The following ZNF678 variants were observed in gnomAD, a reference collection of about 807,000 sequenced individuals.
The protein encoded by ZNF678 is zinc finger protein 678.
Under a neutral mutation model 3.0 loss-of-function variants are expected in ZNF678, and 5 were observed. The observed-to-expected ratio is 1.69, with a 90% CI of 0.88 to 3.56. The LOEUF is 3.56. Ranked by LOEUF, ZNF678 falls within the 30% of genes most tolerant of loss-of-function variation. ZNF678 has a pLI of 0.00. For synonymous variants in ZNF678, 218 were observed against 199.6 expected, an observed-to-expected ratio of 1.09 and a Z score of -0.78; for missense variants, 593 against 605.0, an observed-to-expected ratio of 0.98 and a Z score of 0.21.
chr1:227,587,127 A>G (rs1186632885), intron 1 of ZNF678, among the ~76,000 whole-genome samples: 2 of 152,350 alleles, frequency 1.3e-5, no homozygotes, highest in African/African-American at 2.4e-5. Flanking sequence ...CACTGTGGAA[A>G]GAGAAGTGTT....
chr1:227,614,316 T>G (rs557675111), intron 1 of ZNF678, among the ~76,000 whole-genome samples: 1 of 152,344 alleles, frequency 6.6e-6, no homozygotes, highest in African/African-American at 2.4e-5. Context: ...AATAGCAGGA[T>G]ACCTACTGCA....
chr1:227,668,352 T>C (rs1164453584), intron 5 of ZNF678, among the ~76,000 whole-genome samples: 1 of 152,206 alleles, frequency 6.6e-6, no homozygotes, highest in East Asian at 1.9e-4. Flanking sequence ...AGATATTACA[T>C]TTATTAAAAT....
intron 1 of ZNF678, among the ~76,000 whole-genome samples, chr1:227,565,681 C>T (rs1221356117): frequency 1.3e-5 from 2 of 152,222 alleles, no homozygotes; most frequent in Non-Finnish European, 2.9e-5. Flanking sequence ...TTTATCTTTC[C>T]TAGGCACAGA....
chr1:227,580,963 T>C (rs920322187), intron 1 of ZNF678, among the ~76,000 whole-genome samples: 2 of 151,900 alleles, frequency 1.3e-5, no homozygotes, highest in Non-Finnish European at 2.9e-5. Flanking sequence ...AATTGATAAA[T>C]TAATATTGCA....
intron 5 of ZNF678, among the ~76,000 whole-genome samples, chr1:227,672,791 T>C (rs1011476988): frequency 3.9e-5 from 6 of 152,144 alleles, no homozygotes; most frequent in Non-Finnish European, 1.5e-5. Flanking sequence ...CCGAAAATTA[T>C]TGTCCCCTTT....
At chr1:227,595,259 T>C (rs1251638831) in intron 1 of ZNF678, among the ~76,000 whole-genome samples, 1 of 149,770 alleles carries the variant, frequency 6.7e-6, no homozygotes, top group Non-Finnish European at 1.5e-5. Flanking sequence ...TCTCTTCCTC[T>C]CTCTTCTCTG....
intron 1 of ZNF678, among the ~76,000 whole-genome samples, chr1:227,574,936 TG>T (rs1656949780): frequency 6.9e-6 from 1 of 144,718 alleles, no homozygotes; most frequent in African/African-American, 2.7e-5. Context: ...CCATTGCTTA[TG>T]GGGTTTTTTG....
At chr1:227,579,313 G>A (rs151246403) in intron 1 of ZNF678, among the ~76,000 whole-genome samples, 4 of 152,248 alleles carry the variant, frequency 2.6e-5, no homozygotes, top group African/African-American at 7.2e-5. Flanking sequence ...TGCTAGTGGT[G>A]CAGGTCTGGG....
chr1:227,624,604 G>T lies in ZNF678; in HGVS notation c.-163-21940G>T, dbSNP rs552038531. 3.2e-4 allele frequency among the ~76,000 whole-genome samples: 49 copies of T among 152,284 alleles called. 1 individual carries two copies. In the South Asian group the frequency reaches 7.7e-3, roughly 24 times the overall value. ...CAAGCCTTTTGTTCTCTGACCTGGG[G>T]TTGTTGGCCTCACGGATTCCAAGGA... On this transcript the variant is annotated intron_variant, in intron 1 of 3. Coordinates refer to ENST00000343776, the MANE Select transcript of ZNF678 (RefSeq NM_001367909.1).
At chr1:227,623,522 A>C (rs1447805062) in intron 1 of ZNF678, among the ~76,000 whole-genome samples, 1 of 152,178 alleles carries the variant, frequency 6.6e-6, no homozygotes. Context: ...GTATCATTTC[A>C]CTGGTCGTTG....
At chr1:227,652,090 A>C (rs1208348265) in intron 3 of ZNF678, among the ~76,000 whole-genome samples, 1 of 152,212 alleles carries the variant, frequency 6.6e-6, no homozygotes, top group Non-Finnish European at 1.5e-5. Context: ...GTATGTTCTT[A>C]GTAAATCTTA....
chr1:227,640,632 A>G (rs1398283868), intron 1 of ZNF678, among the ~76,000 whole-genome samples: 2 of 152,180 alleles, frequency 1.3e-5, no homozygotes, highest in Non-Finnish European at 2.9e-5. Flanking sequence ...GTAAAGTCGA[A>G]TGTTCTATTT....
At chr1:227,637,283 G>A (rs556876309) in intron 1 of ZNF678, among the ~76,000 whole-genome samples, 1 of 152,330 alleles carries the variant, frequency 6.6e-6, no homozygotes, top group Admixed American at 6.5e-5. Context: ...GTGCTTTGGG[G>A]GGTTTCTATG....
In ZNF678 at chr1:227,578,901, C is replaced by G. The variant is rs115665928; in HGVS notation, c.-164+15177C>G. ...TACCTTCAATCTTTGAGGTAGCTGG[C>G]CTTTGGATGCGCTTTCTTCTTCTTC... On this transcript the variant is annotated intron_variant, in intron 1 of 3. Coordinates refer to ENST00000343776, the MANE Select transcript of ZNF678 (RefSeq NM_001367909.1). Among the ~76,000 whole-genome samples, 615 of 152,142 alleles carry G rather than the reference C, an allele frequency of 4.0e-3. 5 individuals carry two copies. The highest frequency in any genetic ancestry group is 0.014 in the African/African-American group (567 of 41,488).
intron 1 of ZNF678, among the ~76,000 whole-genome samples, chr1:227,612,635 A>G (rs1424844968): frequency 6.6e-6 from 1 of 152,190 alleles, no homozygotes. Flanking sequence ...TGACTTTGAG[A>G]CATCTTATCA....
chr1:227,622,542 T>C (rs1658306053), intron 1 of ZNF678, among the ~76,000 whole-genome samples: 1 of 152,220 alleles, frequency 6.6e-6, no homozygotes, highest in African/African-American at 2.4e-5. Flanking sequence ...TTATAGAGTT[T>C]GATAGAGTTT....
At position 227,655,697 on chromosome 1, in the gene ZNF678, C is replaced by A. The variant is rs116247928; in HGVS notation, c.1447C>A (p.His483Asn). 21 of 1,612,722 alleles carry A rather than the reference C, an allele frequency of 1.3e-5. No individual in the cohort carries two copies. The African/African-American group carries it at 2.8e-4, about 22-fold the overall frequency. Residue 483 changes from histidine to asparagine, a missense_variant, in exon 4 of 4, where the codon CAT (histidine) becomes AAT (asparagine). Transcript: ENST00000343776. ...FSSLTRHKRIHTGEKRYKCKE... is the reference protein window; with the variant it reads ...FSSLTRHKRINTGEKRYKCKE... ...AAGCCTTACTCGTCATAAAAGAATTCATACTGGAGAGAAACGCTACAAATG... is the reference window on the plus strand; with the variant it reads ...AAGCCTTACTCGTCATAAAAGAATTAATACTGGAGAGAAACGCTACAAATG...
At chr1:227,584,713 G>C (rs7540705) in intron 1 of ZNF678, among the ~76,000 whole-genome samples, 149,608 of 152,350 alleles carry the variant, frequency 0.98, 73,517 homozygotes, top group Middle Eastern at 1. Context: ...GAACTTATAG[G>C]CAAGGAGCAG....
chr1:227,604,897 C>T (rs1657825518), intron 1 of ZNF678, among the ~76,000 whole-genome samples: 1 of 151,740 alleles, frequency 6.6e-6, no homozygotes, highest in African/African-American at 2.4e-5. Context: ...GTTTTGTCGC[C>T]CAGGCTGAAG....
Sources: gnomAD v4.1 joint callset for allele counts (sites outside exome capture counted in the v4.1 genomes callset) on GRCh38, gnomAD v4.1.1 for gene constraint, MANE v1.5 for transcripts, NCBI Gene and HGNC (gene_info 2026-07-23, HGNC 2026-07-21) for gene names.